GAP43: variants seen among roughly 807,000 people sequenced by gnomAD.
GAP43 encodes the protein growth associated protein 43, also known as neuromodulin.
A neutral mutation model predicts 18.6 loss-of-function variants in GAP43; 6 were observed. The observed-to-expected ratio is 0.32, with a 90% CI of 0.18 to 0.64. The LOEUF (loss-of-function observed/expected upper bound fraction) is 0.64, where lower values mean the gene tolerates loss of function less well. Ranked by LOEUF, GAP43 falls within the 30% of genes least tolerant of loss-of-function variation. GAP43 has a pLI of 0.78. For synonymous variants in GAP43, 115 were observed against 111.4 expected, an observed-to-expected ratio of 1.03 and a Z score of -0.20; for missense variants, 292 against 295.5, an observed-to-expected ratio of 0.99 and a Z score of 0.09.
intron 2 of GAP43, among the ~76,000 whole-genome samples, chr3:115,688,527 A>T (rs550751764): frequency 6.6e-6 from 1 of 152,236 alleles, no homozygotes; most frequent in South Asian, 2.1e-4. Flanking sequence ...GGCCGAAATC[A>T]GTCTCAAAAA....
At chr3:115,683,126 CGCGCGCGT>C (rs879113847) in intron 2 of GAP43, among the ~76,000 whole-genome samples, 710 of 28,542 alleles carry the variant, frequency 0.025, 3 homozygotes, top group Middle Eastern at 0.083. Context: ...CATACATGTG[CGCGCGCGT>C]GCGCGCGCGC....
chr3:115,681,911 A>G (rs1489300573), intron 2 of GAP43, among the ~76,000 whole-genome samples: 1 of 152,202 alleles, frequency 6.6e-6, no homozygotes, highest in Non-Finnish European at 1.5e-5. Flanking sequence ...AAACCCTGAG[A>G]GTCTGAGAGG....
intron 2 of GAP43, among the ~76,000 whole-genome samples, chr3:115,714,965 A>G (rs1709486450): frequency 2.0e-5 from 3 of 152,156 alleles, no homozygotes; most frequent in Non-Finnish European, 4.4e-5. Flanking sequence ...AACAACAGAC[A>G]AATCCTGGTA....
In GAP43 at chr3:115,698,092, T is replaced by A. The variant is rs1421850915; in HGVS notation, c.628+21482T>A. ...TATATATAATATATAAAATATGTAT[T>A]ATATATAATATATAAAATATATAAT... On this transcript the variant is annotated intron_variant, in intron 2 of 2. Transcript: ENST00000305124. Among the ~76,000 whole-genome samples, 15 of 50,548 alleles carry A rather than the reference T, an allele frequency of 3.0e-4. 4 individuals carry two copies. The highest frequency in any genetic ancestry group is 1.0e-3 in the African/African-American group (13 of 12,422). The allele number at this position is 50,548 out of a possible 152,430, so 33.2% of individuals were successfully genotyped here. A position where few individuals can be genotyped will look rare whatever the true frequency, so the allele number is the denominator to read the frequency against.
chr3:115,708,012 CA>C (rs1709386705), intron 2 of GAP43, among the ~76,000 whole-genome samples: 1 of 32,780 alleles, frequency 3.1e-5, no homozygotes, highest in East Asian at 2.7e-3. Context: ...CACACACACA[CA>C]CATATATATA....
Position 115,698,287 on chromosome 3 carries a change from A to AATAT in GAP43, c.628+21684_628+21687dup, listed in dbSNP as rs370131673. ...TAAAATATATATTATATATAAATAT[A>AATAT]ATATATATATTATATATAAAATATA... On this transcript the variant is annotated intron_variant, in intron 2 of 2. Coordinates refer to ENST00000305124, the MANE Select transcript of GAP43 (RefSeq NM_002045.4). 3.9e-3 allele frequency among the ~76,000 whole-genome samples: 149 copies of AATAT among 37,860 alleles called. 2 individuals carry two copies. The highest frequency in any genetic ancestry group is 0.011 in the African/African-American group (145 of 12,740). 24.8% of individuals were successfully genotyped at this position (37,860 alleles called of 152,430 possible).
At chr3:115,711,311 A>T (rs894906305) in intron 2 of GAP43, among the ~76,000 whole-genome samples, 1 of 152,270 alleles carries the variant, frequency 6.6e-6, no homozygotes, top group East Asian at 1.9e-4. Context: ...AAAAGAATTC[A>T]GGAAATTATT....
intron 2 of GAP43, among the ~76,000 whole-genome samples, chr3:115,697,984 C>CGCGTGTGTGTGTGT (rs386356246): frequency 9.0e-6 from 1 of 110,882 alleles, no homozygotes; most frequent in Non-Finnish European, 1.7e-5. Context: ...AGTACATGTG[C>CGCGTGTGTGTGTGT]GTGTGTGTGT....
chr3:115,656,952 AAAAC>A (rs1173964971), intron 1 of GAP43, among the ~76,000 whole-genome samples: 2 of 152,228 alleles, frequency 1.3e-5, no homozygotes, highest in African/African-American at 4.8e-5. Flanking sequence ...AAAAATATAA[AAAAC>A]TATATACACA....
chr3:115,649,249 A>G (rs1271580871), intron 1 of GAP43, among the ~76,000 whole-genome samples: 1 of 152,124 alleles, frequency 6.6e-6, no homozygotes, highest in African/African-American at 2.4e-5. Context: ...GCAACAAGGA[A>G]TAAATTCACT....
chr3:115,669,969 T>A lies in GAP43; in HGVS notation c.31-6044T>A, dbSNP rs371967687. On this transcript the variant is annotated intron_variant, in intron 1 of 2. Transcript: ENST00000305124. ...ACTGTGCTTATTCATCTTTTTATTT[T>A]TATTTTTTTTTTTTAATTTTTTTTT... Among the ~76,000 whole-genome samples the A allele has an allele frequency of 5.2e-3, 737 of 142,532 alleles. 11 individuals carry two copies. Among genetic ancestry groups the A allele is most frequent in the Non-Finnish European group, 7.2e-3 (479 of 66,178 alleles). The allele number at this position is 142,532 out of a possible 152,430, so 93.5% of individuals were successfully genotyped here. A position where few individuals can be genotyped will look rare whatever the true frequency, so the allele number is the denominator to read the frequency against.
intron 1 of GAP43, among the ~76,000 whole-genome samples, chr3:115,632,280 G>T (rs1208928336): frequency 6.6e-6 from 1 of 152,120 alleles, no homozygotes; most frequent in East Asian, 1.9e-4. Context: ...ATGCAGGGCT[G>T]GTTGGGAGAC....
At chr3:115,710,254 C>G (rs548677248) in intron 2 of GAP43, among the ~76,000 whole-genome samples, 7 of 118,944 alleles carry the variant, frequency 5.9e-5, no homozygotes, top group Non-Finnish European at 8.8e-5. Context: ...TATTCACCTA[C>G]TCTTTTTTTT....
In GAP43 at chr3:115,676,114, A is replaced by G. The variant is rs147136061; in HGVS notation, c.132A>G (p.Gly44=). Residue 44 remains glycine, a synonymous_variant, in exon 2 of 3, where the codon GGA becomes GGG. Coordinates refer to ENST00000305124, the MANE Select transcript of GAP43 (RefSeq NM_002045.4). The stretch of plus-strand genomic sequence containing the variant: ...CCAAAATTCAGGCTAGCTTCCGTGG[A>G]CACATAACAAGGAAAAAGCTCAAAG... The part of the protein sequence containing the change: ...AATKIQASFR[G]HITRKKLKGE... 5.5e-5 allele frequency: 88 copies of G among 1,614,106 alleles called. No individual in the cohort carries two copies. Among genetic ancestry groups the G allele is most frequent in the Non-Finnish European group, 7.3e-5 (86 of 1,180,044 alleles).
intron 1 of GAP43, among the ~76,000 whole-genome samples, chr3:115,633,838 C>G (rs898203059): frequency 2.0e-5 from 3 of 152,120 alleles, no homozygotes; most frequent in Non-Finnish European, 4.4e-5. Flanking sequence ...GTTGTAAGAT[C>G]TAGTTCCTGC....
At chr3:115,675,977 T>C in intron 1 of GAP43, 36 bp from the exon 2 acceptor site, 1 of 1,557,402 alleles carries the variant, frequency 6.4e-7, no homozygotes, top group Non-Finnish European at 8.6e-7. Context: ...AGAATGTCAT[T>C]GAAGCCCTCT....
At chr3:115,674,170 G>T (rs1561381) in intron 1 of GAP43, among the ~76,000 whole-genome samples, 3 of 151,950 alleles carry the variant, frequency 2.0e-5, no homozygotes, top group Admixed American at 2.0e-4. Context: ...AGATTGAGAA[G>T]AGGCGCCGAA....
chr3:115,670,294 A>G lies in GAP43; in HGVS notation c.31-5719A>G, dbSNP rs371295533. On this transcript the variant is annotated intron_variant, in intron 1 of 2. Transcript: ENST00000305124. ...AGTTTACTGAGAATGATGGTTTCCA[A>G]TTTCATCCATGTCCCTACAAAGGAC... Among the ~76,000 whole-genome samples, 1,190 of 149,038 alleles carry G rather than the reference A, an allele frequency of 8.0e-3. 8 individuals are homozygous for G. Among genetic ancestry groups the G allele is most frequent in the Non-Finnish European group, 9.8e-3 (659 of 67,392 alleles).
At chr3:115,702,011 T>C (rs557072795) in intron 2 of GAP43, among the ~76,000 whole-genome samples, 1 of 152,058 alleles carries the variant, frequency 6.6e-6, no homozygotes, top group African/African-American at 2.4e-5. Flanking sequence ...GGAGAGAGGG[T>C]TTTAAATTTG....
Sources: gnomAD v4.1 joint callset for allele counts (sites outside exome capture counted in the v4.1 genomes callset) on GRCh38, gnomAD v4.1.1 for gene constraint, MANE v1.5 for transcripts, NCBI Gene and HGNC (gene_info 2026-07-23, HGNC 2026-07-21) for gene names.